The following FSIP1 variants were observed in gnomAD, a reference collection of about 807,000 sequenced individuals.
FSIP1 encodes fibrous sheath interacting protein 1.
In FSIP1, 65 loss-of-function variants were observed where a neutral mutation model predicts 60.9. The observed-to-expected ratio is 1.07, with a 90% CI of 0.87 to 1.31. The LOEUF (loss-of-function observed/expected upper bound fraction) is 1.31, where lower values mean the gene tolerates loss of function less well. Ranked by LOEUF, FSIP1 falls within the 40% of genes most tolerant of loss-of-function variation. The pLI, the probability that FSIP1 is intolerant of heterozygous loss-of-function variation, is 0.00. For synonymous variants in FSIP1, 209 were observed against 221.2 expected, an observed-to-expected ratio of 0.94 and a Z score of 0.49; for missense variants, 675 against 665.5, an observed-to-expected ratio of 1.01 and a Z score of -0.16.
chr15:39,756,142 T>C (rs976838551), intron 5 of FSIP1, among the ~76,000 whole-genome samples: 20 of 152,188 alleles, frequency 1.3e-4, no homozygotes, highest in Non-Finnish European at 2.9e-4. Flanking sequence ...GTGATATAAA[T>C]CAATTTAATG....
At chr15:39,635,537 T>C (rs975350792) in intron 10 of FSIP1, among the ~76,000 whole-genome samples, 6 of 152,166 alleles carry the variant, frequency 3.9e-5, no homozygotes, top group Non-Finnish European at 7.4e-5. Flanking sequence ...ATGTAAGGGA[T>C]GTTGGGCTTA....
chr15:39,740,046 A>G (rs1159143310), intron 6 of FSIP1, among the ~76,000 whole-genome samples: 1 of 152,210 alleles, frequency 6.6e-6, no homozygotes, highest in Admixed American at 6.5e-5. Context: ...CTTCCTGTTG[A>G]TTCCATGAGA....
At chr15:39,610,173 T>C (rs1366577911) in intron 11 of FSIP1, among the ~76,000 whole-genome samples, 5 of 152,100 alleles carry the variant, frequency 3.3e-5, no homozygotes, top group Non-Finnish European at 7.3e-5. Flanking sequence ...CATAAATCTA[T>C]GGGACACCAT....
intron 5 of FSIP1, among the ~76,000 whole-genome samples, chr15:39,763,558 T>C (rs1897577061): frequency 1.3e-5 from 2 of 152,138 alleles, no homozygotes; most frequent in Non-Finnish European, 2.9e-5. Flanking sequence ...GTAAAGGCAA[T>C]GACATACTTT....
chr15:39,713,386 G>A, intron 10 of FSIP1, 58 bp downstream of exon 10: 2 of 1,498,994 alleles, frequency 1.3e-6, no homozygotes, highest in Non-Finnish European at 1.8e-6. Context: ...GGGCAACATA[G>A]TGAGAACCTG....
chr15:39,608,765 A>G (rs934692573), intron 11 of FSIP1, among the ~76,000 whole-genome samples: 7 of 152,174 alleles, frequency 4.6e-5, no homozygotes, highest in African/African-American at 1.7e-4. Flanking sequence ...CCATACCCCC[A>G]ACAAAAATCC....
At chr15:39,768,507 C>G (rs1417816371) in intron 3 of FSIP1, among the ~76,000 whole-genome samples, 2 of 152,170 alleles carry the variant, frequency 1.3e-5, no homozygotes, top group African/African-American at 4.8e-5. Context: ...TAACAAATAA[C>G]TATATTCTCA....
chr15:39,695,811 T>C (rs969868426), intron 10 of FSIP1, among the ~76,000 whole-genome samples: 1 of 152,250 alleles, frequency 6.6e-6, no homozygotes, highest in Non-Finnish European at 1.5e-5. Context: ...TACTACTTCT[T>C]GCTAACATTC....
At chr15:39,732,619 C>CAAAAAAAAA (rs56106819) in intron 8 of FSIP1, among the ~76,000 whole-genome samples, 1 of 80,138 alleles carries the variant, frequency 1.2e-5, no homozygotes, top group African/African-American at 4.3e-5. Flanking sequence ...AACTCCATCT[C>CAAAAAAAAA]AAAAAAAAAA....
chr15:39,612,311 ACAG>A (rs1891065257), intron 11 of FSIP1, among the ~76,000 whole-genome samples: 1 of 152,246 alleles, frequency 6.6e-6, no homozygotes, highest in African/African-American at 2.4e-5. Flanking sequence ...TTTTCTGATC[ACAG>A]TGGCATGAAA....
In FSIP1 at chr15:39,739,747, G is replaced by A; in HGVS notation, c.698C>T (p.Ser233Leu). Residue 233 changes from serine to leucine, a missense_variant, in exon 7 of 12, where the codon TCA (serine) becomes TTA (leucine). By Grantham distance (145) the Ser-to-Leu change is moderately radical. Coordinates refer to ENST00000350221, the MANE Select transcript of FSIP1 (RefSeq NM_152597.5). ...TGTATTCGAGAAAGGTTTCTTTCCT[G>A]ATTTGATCAATGACTCATTTCTTTC... is the stretch of plus-strand genomic sequence containing the variant. ...DVERNESLIK[S>L]GKKPFSNTEK... is the part of the protein sequence containing the mutation. The A allele has an allele frequency of 6.3e-7, 1 of 1,591,276 alleles. No homozygotes were observed. Among genetic ancestry groups the A allele is most frequent in the East Asian group, 2.3e-5 (1 of 43,934 alleles).
intron 5 of FSIP1, among the ~76,000 whole-genome samples, chr15:39,761,136 C>T (rs1201756505): frequency 2.0e-5 from 3 of 152,086 alleles, no homozygotes; most frequent in African/African-American, 7.2e-5. Flanking sequence ...ATGTAAATTA[C>T]TACAGCCATT....
chr15:39,752,958 A>C (rs895324454), intron 5 of FSIP1, among the ~76,000 whole-genome samples: 2 of 152,138 alleles, frequency 1.3e-5, no homozygotes, highest in African/African-American at 4.8e-5. Context: ...CAGGTTAAAA[A>C]GATTGAGAAA....
rs143987875 is a variant in FSIP1, at chr15:39,668,594, T to C, written c.1188+44850A>G. Reference sequence around the variant, plus strand: ...GCCATACTATGTTTCATCTACACTATTTAAATGACATGCCAACTTCATTCC... The same window carrying C: ...GCCATACTATGTTTCATCTACACTACTTAAATGACATGCCAACTTCATTCC... On this transcript the variant is annotated intron_variant, in intron 10 of 11. Coordinates refer to ENST00000350221, the MANE Select transcript of FSIP1 (RefSeq NM_152597.5). 1.9e-3 allele frequency among the ~76,000 whole-genome samples: 287 copies of C among 152,364 alleles called. 1 individual carries two copies. Among genetic ancestry groups the C allele is most frequent in the African/African-American group, 6.7e-3 (279 of 41,592 alleles).
At chr15:39,744,630 C>A (rs1479886852) in intron 5 of FSIP1, among the ~76,000 whole-genome samples, 1 of 152,048 alleles carries the variant, frequency 6.6e-6, no homozygotes, top group African/African-American at 2.4e-5. Flanking sequence ...TGAGGGGAGA[C>A]CCCGCACAAA....
intron 9 of FSIP1, among the ~76,000 whole-genome samples, chr15:39,722,405 C>T (rs560149969): frequency 2.7e-5 from 4 of 150,656 alleles, no homozygotes; most frequent in Non-Finnish European, 4.4e-5. Flanking sequence ...AACCATCCCC[C>T]TCTCTGGGCC....
intron 10 of FSIP1, among the ~76,000 whole-genome samples, chr15:39,691,812 G>C (rs1484760867): frequency 3.3e-5 from 5 of 152,134 alleles, no homozygotes; most frequent in Admixed American, 6.5e-5. Flanking sequence ...AGTTACCAGG[G>C]GGACAGTCAT....
At chr15:39,740,491 T>C in intron 6 of FSIP1, among the ~76,000 whole-genome samples, 1 of 152,238 alleles carries the variant, frequency 6.6e-6, no homozygotes, top group East Asian at 1.9e-4. Flanking sequence ...AACAAGATCA[T>C]GTGAACCCTT....
intron 2 of FSIP1, among the ~76,000 whole-genome samples, chr15:39,775,041 A>C (rs183785457): frequency 1.3e-4 from 20 of 152,288 alleles, no homozygotes; most frequent in Admixed American, 1.3e-3. Context: ...GGGGGAACAC[A>C]GTTTCACTCT....
Sources: gnomAD v4.1 joint callset for allele counts (sites outside exome capture counted in the v4.1 genomes callset) on GRCh38, gnomAD v4.1.1 for gene constraint, MANE v1.5 for transcripts, NCBI Gene and HGNC (gene_info 2026-07-23, HGNC 2026-07-21) for gene names.